The following SBF2 variants were observed in gnomAD, a reference collection of about 807,000 sequenced individuals.
SBF2 encodes the protein SET binding factor 2, also known as myotubularin-related protein 13.
In SBF2, 112 loss-of-function variants were observed where a neutral mutation model predicts 225.2. That is an observed-to-expected ratio of 0.50 (90% CI 0.43 to 0.58). The LOEUF (loss-of-function observed/expected upper bound fraction) is 0.58, where lower values mean the gene tolerates loss of function less well. SBF2 is among the 20% of genes least tolerant of loss of function. SBF2 has a pLI of 0.00. For missense variants in SBF2, 1,996 were observed against 2,206.2 expected (o/e 0.90, Z 1.91); for synonymous variants, 763 against 773.3 (o/e 0.99, Z 0.22).
At chr11:9,791,674 G>A (rs1852750822) in intron 33 of SBF2, among the ~76,000 whole-genome samples, 1 of 152,210 alleles carries the variant, frequency 6.6e-6, no homozygotes, top group African/African-American at 2.4e-5. Flanking sequence ...AAAAGTTCAA[G>A]TAACTCCAAT....
intron 1 of SBF2, among the ~76,000 whole-genome samples, chr11:10,248,084 A>G (rs1959984684): frequency 6.6e-6 from 1 of 152,202 alleles, no homozygotes; most frequent in Non-Finnish European, 1.5e-5. Context: ...AAATTGTTCA[A>G]TTTATTTTGG....
intron 16 of SBF2, among the ~76,000 whole-genome samples, chr11:9,904,917 G>A (rs977971260): frequency 6.6e-6 from 1 of 152,188 alleles, no homozygotes; most frequent in South Asian, 2.1e-4. Context: ...AGATACTTGG[G>A]AAGCAGAGAT....
At chr11:9,950,364 C>G (rs1421417387) in intron 16 of SBF2, among the ~76,000 whole-genome samples, 1 of 152,100 alleles carries the variant, frequency 6.6e-6, no homozygotes, top group African/African-American at 2.4e-5. Context: ...GCTCTGATCT[C>G]CCCCCTTCCC....
chr11:9,951,412 G>T (rs1382935628), intron 16 of SBF2, among the ~76,000 whole-genome samples: 1 of 152,192 alleles, frequency 6.6e-6, no homozygotes, highest in East Asian at 1.9e-4. Context: ...CAGTTAAGAA[G>T]TTGGTGCGGT....
At chr11:9,955,581 C>T (rs1398978839) in intron 16 of SBF2, among the ~76,000 whole-genome samples, 1 of 151,932 alleles carries the variant, frequency 6.6e-6, no homozygotes, top group Non-Finnish European at 1.5e-5. Context: ...GAATGTATAT[C>T]CAGTAAAAGT....
intron 34 of SBF2, 98 bp from the exon 35 acceptor site, chr11:9,789,440 A>G: frequency 1.2e-6 from 1 of 801,600 alleles, no homozygotes; most frequent in African/African-American, 1.7e-5. Flanking sequence ...CCAGGGGAGG[A>G]AGAGTATGAA....
chr11:10,031,239 A>C, intron 3 of SBF2, 69 bp from the exon 4 acceptor site: 1 of 1,434,698 alleles, frequency 7.0e-7, no homozygotes, highest in African/African-American at 1.4e-5. Context: ...CAAAAGATGA[A>C]TATCACCTTA....
At chr11:10,286,315 T>C (rs1430558329) in intron 1 of SBF2, among the ~76,000 whole-genome samples, 2 of 151,922 alleles carry the variant, frequency 1.3e-5, no homozygotes, top group African/African-American at 4.8e-5. Flanking sequence ...TTGTAAATTA[T>C]ATCTCAATAA....
chr11:10,232,502 T>C (rs1447068384), intron 1 of SBF2, among the ~76,000 whole-genome samples: 2 of 152,164 alleles, frequency 1.3e-5, no homozygotes, highest in African/African-American at 2.4e-5. Context: ...TAGACCAAAA[T>C]GTTAGCAGAA....
chr11:9,987,930 T>C (rs1947266881), intron 13 of SBF2, among the ~76,000 whole-genome samples: 1 of 152,156 alleles, frequency 6.6e-6, no homozygotes, highest in African/African-American at 2.4e-5. Flanking sequence ...CTAAAATTCA[T>C]ATGGAACTAA....
chr11:10,266,180 C>T (rs978107153), intron 1 of SBF2, among the ~76,000 whole-genome samples: 25 of 152,184 alleles, frequency 1.6e-4, no homozygotes, highest in South Asian at 1.2e-3. Flanking sequence ...ATGATTTGTC[C>T]ACAGCCACAT....
chr11:9,856,402 C>G, intron 19 of SBF2, 56 bp downstream of exon 19: 1 of 1,608,932 alleles, frequency 6.2e-7, no homozygotes. Flanking sequence ...ATCTGTCAAG[C>G]CAAGACTGGC....
chr11:10,035,985 A>G (rs1949419832), intron 3 of SBF2, among the ~76,000 whole-genome samples: 1 of 152,196 alleles, frequency 6.6e-6, no homozygotes, highest in Non-Finnish European at 1.5e-5. Context: ...GACACTATTC[A>G]CAATAGGAAA....
intron 6 of SBF2, among the ~76,000 whole-genome samples, chr11:10,020,162 C>T (rs1388458376): frequency 6.6e-6 from 1 of 152,040 alleles, no homozygotes; most frequent in African/African-American, 2.4e-5. Context: ...GATAGAAATA[C>T]CTGAAATTGG....
rs571314069 is a variant in SBF2, at chr11:10,164,708, T to G, written c.141+29194A>C. Reference sequence around the variant, plus strand: ...TACCAAATGGAAACAACCAAACAGCTAAAAACAGTCCACAGCATACAATAA... The same window carrying G: ...TACCAAATGGAAACAACCAAACAGCGAAAAACAGTCCACAGCATACAATAA... On this transcript the variant is annotated intron_variant, in intron 2 of 39. Transcript: ENST00000256190. Among the ~76,000 whole-genome samples the G allele has an allele frequency of 3.9e-5, 6 of 152,286 alleles. No individual in the cohort carries two copies. The South Asian group carries it at 1.2e-3, about 32-fold the overall frequency.
chr11:10,293,080 T>C (rs1402483538), intron 1 of SBF2, among the ~76,000 whole-genome samples: 2 of 152,238 alleles, frequency 1.3e-5, no homozygotes, highest in Admixed American at 6.5e-5. Context: ...GTAGAGCTGA[T>C]ATCTCAAATT....
rs1002684337 is a variant in SBF2, at chr11:10,100,171, A to C, written c.142-57190T>G. On this transcript the variant is annotated intron_variant, in intron 2 of 39. Transcript: ENST00000256190. The stretch of plus-strand genomic sequence containing the variant: ...GGAAAAAGGCATTTTGTAAAAATGG[A>C]AACCAAGGAGACAGATTTGAGTAAT... Among the ~76,000 whole-genome samples the C allele has an allele frequency of 2.6e-5, 4 of 152,268 alleles. 1 individual carries two copies. The South Asian group carries it at 8.3e-4, about 31-fold the overall frequency.
At chr11:10,240,318 G>C (rs1156249007) in intron 1 of SBF2, among the ~76,000 whole-genome samples, 1 of 146,412 alleles carries the variant, frequency 6.8e-6, no homozygotes, top group African/African-American at 2.5e-5. Context: ...AAAATTTAAA[G>C]ACTTCCTTAT....
intron 30 of SBF2, among the ~76,000 whole-genome samples, chr11:9,812,193 T>C (rs1049826261): frequency 1.7e-4 from 26 of 152,202 alleles, no homozygotes; most frequent in African/African-American, 6.0e-4. Context: ...CCTGGATCCT[T>C]ACTGTATTGA....
Sources: allele counts gnomAD v4.1 joint callset (sites outside exome capture counted in the v4.1 genomes callset), GRCh38; gene constraint gnomAD v4.1.1; transcripts MANE v1.5; gene names NCBI Gene and HGNC (gene_info 2026-07-23, HGNC 2026-07-21).